Variants in NCAPH2 observed in about 807,000 individuals in gnomAD.
NCAPH2 encodes condensin-2 complex subunit H2.
A neutral mutation model predicts 88.6 loss-of-function variants in NCAPH2; 56 were observed. The observed-to-expected ratio is 0.63, with a 90% CI of 0.51 to 0.79. The LOEUF is 0.79. Ranked by LOEUF, NCAPH2 falls within the 30% of genes least tolerant of loss-of-function variation. The pLI, the probability that NCAPH2 is intolerant of heterozygous loss-of-function variation, is 0.00. For missense variants in NCAPH2, 794 were observed against 792.0 expected (o/e 1.00, Z -0.03); for synonymous variants, 378 against 313.6 (o/e 1.21, Z -2.17).
At position 50,524,733 on chromosome 22, in the gene NCAPH2, T is replaced by A; in HGVS notation, c.*1358T>A. 11 of 560,902 alleles carry A rather than the reference T, an allele frequency of 2.0e-5. No homozygotes were observed. Among genetic ancestry groups the A allele is most frequent in the East Asian group, 4.3e-5 (1 of 23,324 alleles). 34.7% of individuals were successfully genotyped at this position (560,902 alleles called of 1,614,324 possible). A position where few individuals can be genotyped will look rare whatever the true frequency, so the allele number is the denominator to read the frequency against. On this transcript the variant is annotated 3_prime_UTR_variant, in exon 20 of 20. Coordinates refer to ENST00000420993, the MANE Select transcript of NCAPH2 (RefSeq NM_152299.4). ...AAGCATTCCAAGTGCATGCCTTGCC[T>A]GAACTAACCACGTTATCTATTTGCA...
In NCAPH2 at chr22:50,517,604, G is replaced by C; in HGVS notation, c.294G>C (p.Gln98His). The change falls in exon 4 of 20, where the codon CAG becomes CAC. Residue 98 changes from glutamine (Q) to histidine (H), a missense_variant. By Grantham distance (24) the Gln-to-His change is conservative (BLOSUM62 0). Around this residue, in one of 2 missense-constraint regions of NCAPH2, gnomAD observed 735 missense variants for 696.3 expected, o/e 1.06. Coordinates refer to ENST00000420993, the MANE Select transcript of NCAPH2 (RefSeq NM_152299.4). ...KRRAKQLSSV[Q>H]EDRANGVASS... ...GGGCCAAGCAGCTCTCTTCGGTGCAGGAGGACAGGGCCAATGGGGTTGCCA... is the reference window on the plus strand; with the variant it reads ...GGGCCAAGCAGCTCTCTTCGGTGCACGAGGACAGGGCCAATGGGGTTGCCA... The C allele has an allele frequency of 6.2e-7, 1 of 1,614,148 alleles. No individual in the cohort carries two copies. The highest frequency in any genetic ancestry group is 1.6e-4 in the Middle Eastern group (1 of 6,062).
Position 50,524,623 on chromosome 22 carries a change from C to T in NCAPH2, c.*1248C>T. The T allele has an allele frequency of 2.8e-6, 2 of 710,480 alleles. No individual in the cohort carries two copies. The highest frequency in any genetic ancestry group is 3.0e-5 in the South Asian group (2 of 66,716). The allele number at this position is 710,480 out of a possible 1,614,324, so 44.0% of individuals were successfully genotyped here. A position where few individuals can be genotyped will look rare whatever the true frequency, so the allele number is the denominator to read the frequency against. ...CACCTGGGCAACCACACCTGTCACT[C>T]CTGTCCTCTACCTGGGATCACCAGC... On this transcript the variant is annotated 3_prime_UTR_variant, in exon 20 of 20. Transcript: ENST00000420993.
chr22:50,518,020 T>C lies in NCAPH2; in HGVS notation c.468T>C (p.Asp156=), dbSNP rs772564110. The part of the protein sequence containing the change: ...PLLPMALVAP[D]EMEKNNNPLY... ...TGCCCATGGCCCTGGTGGCCCCTGA[T>C]GAAATGGAGAAGAACAACAATCCCC... The change falls in exon 6 of 20, where the codon GAT becomes GAC. Residue 156 remains aspartate, a synonymous_variant. Coordinates refer to ENST00000420993, the MANE Select transcript of NCAPH2 (RefSeq NM_152299.4). The C allele has an allele frequency of 1.2e-6, 2 of 1,613,838 alleles. No homozygotes were observed. Among genetic ancestry groups the C allele is most frequent in the South Asian group, 2.2e-5 (2 of 91,060 alleles).
chr22:50,513,440 A>C (rs1478326023), intron 1 of NCAPH2, among the ~76,000 whole-genome samples: 1 of 137,386 alleles, frequency 7.3e-6, no homozygotes, highest in Non-Finnish European at 1.6e-5. Flanking sequence ...GCACTTAGGG[A>C]GGCCGAGGTG....
At chr22:50,513,741 A>G (rs892532521) in intron 1 of NCAPH2, among the ~76,000 whole-genome samples, 26 of 152,234 alleles carry the variant, frequency 1.7e-4, no homozygotes, top group African/African-American at 6.3e-4. Context: ...CAGCCTGGAC[A>G]ACAGAGCGAG....
In NCAPH2 at chr22:50,522,418, G is replaced by T; in HGVS notation, c.1306+3G>T. The stretch of plus-strand genomic sequence containing the variant: ...CCTGGAAGACCTGGGGGCAGCAGGT[G>T]GGTGCCTGCCAGGGGGTGGGGTGGG... On this transcript the variant is annotated splice_donor_region_variant and intron_variant, in intron 15 of 19. Transcript: ENST00000420993. 1 of 1,611,566 alleles carries T rather than the reference G, an allele frequency of 6.2e-7. No individual in the cohort carries two copies. Among genetic ancestry groups the T allele is most frequent in the Non-Finnish European group, 8.5e-7 (1 of 1,178,902 alleles).
intron 1 of NCAPH2, among the ~76,000 whole-genome samples, chr22:50,512,218 C>T (rs761449702): frequency 4.6e-5 from 7 of 152,194 alleles, no homozygotes; most frequent in Non-Finnish European, 1.0e-4. Context: ...TAGGTGTGGA[C>T]GTTAAAGTGT....
In NCAPH2 at chr22:50,508,301, G is replaced by A. The variant is rs545480209; in HGVS notation, c.-37G>A. On this transcript the variant is annotated 5_prime_UTR_variant, in exon 1 of 20. Transcript: ENST00000420993. ...AGGACGCCGTACCCCTCGGAAGGCA[G>A]CCCTGCGGTCCCTTTGCCGCCCGTT... The A allele has an allele frequency of 1.4e-6, 2 of 1,435,674 alleles. No homozygotes were observed. Among genetic ancestry groups the A allele is most frequent in the South Asian group, 1.4e-5 (1 of 73,870 alleles). 88.9% of individuals were successfully genotyped at this position (1,435,674 alleles called of 1,614,324 possible). A position where few individuals can be genotyped will look rare whatever the true frequency, so the allele number is the denominator to read the frequency against.
At chr22:50,519,594 G>C in intron 9 of NCAPH2, 1 of 1,239,658 alleles carries the variant, frequency 8.1e-7, no homozygotes, top group East Asian at 3.4e-5. Flanking sequence ...ACGGCAACCT[G>C]GGATGGCCGC....
intron 4 of NCAPH2, 33 bp from the exon 5 acceptor site, chr22:50,517,708 G>A (rs756154977): frequency 5.3e-5 from 85 of 1,613,942 alleles, no homozygotes; most frequent in Non-Finnish European, 7.0e-5. Flanking sequence ...TGTTTGCCTG[G>A]GCTCCGCCCC....
At position 50,522,187 on chromosome 22, in the gene NCAPH2, A is replaced by T; in HGVS notation, c.1169A>T (p.Glu390Val). The change falls in exon 14 of 20, where the codon GAG (glutamate) becomes GTG (valine). Residue 390 changes from glutamate (E) to valine (V), a missense_variant. Physicochemically the swap from Glu to Val is moderately radical, Grantham distance 121 (BLOSUM62 -2). Coordinates refer to ENST00000420993, the MANE Select transcript of NCAPH2 (RefSeq NM_152299.4). Reference protein sequence around the residue: ...RRKGPSFADMEVLYWTHVKEQ... With the variant: ...RRKGPSFADMVVLYWTHVKEQ... ...ACAAGGCCTTTGTCTGCAGACATGG[A>T]GGTCCTGTACTGGACACACGTGAAG... The T allele has an allele frequency of 6.2e-7, 1 of 1,613,438 alleles. No homozygotes were observed. Among genetic ancestry groups the T allele is most frequent in the South Asian group, 1.1e-5 (1 of 91,000 alleles).
intron 1 of NCAPH2, 55 bp downstream of exon 1, chr22:50,508,500 G>C: frequency 1.1e-6 from 1 of 937,678 alleles, no homozygotes; most frequent in Non-Finnish European, 1.5e-6. Flanking sequence ...GCTGCGGGGC[G>C]GGGGCTCCGG....
chr22:50,508,413 G>A lies in NCAPH2; in HGVS notation c.76G>A (p.Val26Met). 3.4e-6 allele frequency: 5 copies of A among 1,469,116 alleles called. No individual in the cohort carries two copies. Among genetic ancestry groups the A allele is most frequent in the Non-Finnish European group, 4.5e-6 (5 of 1,111,274 alleles). 91.0% of individuals were successfully genotyped at this position (1,469,116 alleles called of 1,614,324 possible). Residue 26 changes from valine to methionine, a missense_variant, in exon 1 of 20, where the codon GTG becomes ATG. Val to Met is a conservative substitution (Grantham distance 21, BLOSUM62 1). Transcript: ENST00000420993. ...CCTCACCAAGAACTGGGAGGTGGAC[G>A]TGGCGGCCCAGCTGGGCGAGTATCT... ...RDLTKNWEVD[V>M]AAQLGEYLEE...
At position 50,524,078 on chromosome 22, in the gene NCAPH2, G is replaced by T. The variant is rs370130010; in HGVS notation, c.*703G>T. On this transcript the variant is annotated 3_prime_UTR_variant, in exon 20 of 20. Coordinates refer to ENST00000420993, the MANE Select transcript of NCAPH2 (RefSeq NM_152299.4). ...CGGAAGTCAGCCTTGCAGCGAGCCC[G>T]GCCTCTGTGATCCAGCAGGTGGAAG... 8.7e-6 allele frequency: 14 copies of T among 1,613,104 alleles called. No individual in the cohort carries two copies. The highest frequency in any genetic ancestry group is 1.0e-5 in the Non-Finnish European group (12 of 1,180,032).
rs201984002 is a variant in NCAPH2, at chr22:50,518,295, G to A, written c.646+17G>A. 161 of 1,608,498 alleles carry A rather than the reference G, an allele frequency of 1.0e-4. 1 individual carries two copies. The highest frequency in any genetic ancestry group is 6.5e-4 in the East Asian group (29 of 44,858). On this transcript the variant is annotated intron_variant, in intron 7 of 19. Coordinates refer to ENST00000420993, the MANE Select transcript of NCAPH2 (RefSeq NM_152299.4). ...CCCAGAAGGGTGAGGGCTTGGATGCGGGGGGCTTGGTGGGAAGGAAGGGAG... is the reference window on the plus strand; with the variant it reads ...CCCAGAAGGGTGAGGGCTTGGATGCAGGGGGCTTGGTGGGAAGGAAGGGAG...
intron 2 of NCAPH2, 133 bp from the exon 3 acceptor site, chr22:50,517,294 A>G: frequency 2.2e-6 from 2 of 910,520 alleles, no homozygotes; most frequent in Non-Finnish European, 3.5e-6. Flanking sequence ...TTTGGAACCA[A>G]AATTGGTGGT....
rs1327575695 is a variant in NCAPH2, at chr22:50,521,014, C to T, written c.911C>T (p.Pro304Leu). Residue 304 changes from proline (P) to leucine (L), a missense_variant, in exon 10 of 20, where the codon CCA becomes CTA. Transcript: ENST00000420993. Reference sequence around the variant, plus strand: ...ATGCTGCGGGAGCGGGAGGGGGCCCCAGAGCCTGCATCCTGCGTGAAGGTA... The same window carrying T: ...ATGCTGCGGGAGCGGGAGGGGGCCCTAGAGCCTGCATCCTGCGTGAAGGTA... Reference protein sequence around the residue: ...RYMLREREGAPEPASCVKETP... With the variant: ...RYMLREREGALEPASCVKETP... The T allele has an allele frequency of 3.2e-6, 5 of 1,550,786 alleles. No individual in the cohort carries two copies. Among genetic ancestry groups the T allele is most frequent in the Non-Finnish European group, 3.5e-6 (4 of 1,146,916 alleles).
intron 1 of NCAPH2, among the ~76,000 whole-genome samples, chr22:50,515,198 T>C (rs1211452888): frequency 6.6e-6 from 1 of 152,072 alleles, no homozygotes; most frequent in Non-Finnish European, 1.5e-5. Context: ...TGGGGACAGC[T>C]GGGGGTCGGT....
chr22:50,524,500 AC>A lies in NCAPH2; in HGVS notation c.*1127del. Reference sequence around the variant, plus strand: ...GCCTGGGCTGCCCCTGCGACTTGAGACCAGCCACCCATCTGAAGGACCCAGC... The same window carrying A: ...GCCTGGGCTGCCCCTGCGACTTGAGACAGCCACCCATCTGAAGGACCCAGC... On this transcript the variant is annotated 3_prime_UTR_variant, in exon 20 of 20. Coordinates refer to ENST00000420993, the MANE Select transcript of NCAPH2 (RefSeq NM_152299.4). The A allele has an allele frequency of 7.3e-7, 1 of 1,364,666 alleles. No homozygotes were observed. The highest frequency in any genetic ancestry group is 1.0e-6 in the Non-Finnish European group (1 of 970,736). The allele number at this position is 1,364,666 out of a possible 1,614,324, so 84.5% of individuals were successfully genotyped here.
Sources: allele counts gnomAD v4.1 joint callset (sites outside exome capture counted in the v4.1 genomes callset), GRCh38; gene constraint gnomAD v4.1.1; regional missense constraint gnomAD v4.1.1; transcripts MANE v1.5; gene names NCBI Gene and HGNC (gene_info 2026-07-23, HGNC 2026-07-21).